The following PAFAH1B2 variants were observed in gnomAD, a reference collection of about 807,000 sequenced individuals.
PAFAH1B2 encodes platelet-activating factor acetylhydrolase IB subunit alpha2.
In PAFAH1B2, 8 loss-of-function variants were observed where a neutral mutation model predicts 28.0. That is an observed-to-expected ratio of 0.29 (90% CI 0.17 to 0.52). The LOEUF (loss-of-function observed/expected upper bound fraction) is 0.52. PAFAH1B2 is among the 20% of genes least tolerant of loss of function. The pLI is 0.97. For missense variants in PAFAH1B2, 190 were observed against 282.6 expected (o/e 0.67, Z 2.35); for synonymous variants, 104 against 103.2 (o/e 1.01, Z -0.05).
At chr11:117,173,365 G>GA (rs1488060393), downstream of PAFAH1B2, among the ~76,000 whole-genome samples, 1 of 152,224 alleles carries the variant, frequency 6.6e-6, no homozygotes, top group Non-Finnish European at 1.5e-5. Context: ...GTAGGATGGT[G>GA]AATGCAGGGA....
intron 1 of PAFAH1B2, among the ~76,000 whole-genome samples, chr11:117,149,679 GCCT>G (rs2134170153): frequency 6.6e-6 from 1 of 151,194 alleles, no homozygotes; most frequent in South Asian, 2.1e-4. Context: ...TGATCTGCCT[GCCT>G]CGGCCTCCCA....
intron 1 of PAFAH1B2, among the ~76,000 whole-genome samples, chr11:117,149,236 A>G (rs1443740024): frequency 1.1e-5 from 1 of 92,858 alleles, no homozygotes; most frequent in African/African-American, 4.5e-5. Context: ...AGGCACTACC[A>G]TGCCAGGCTA....
exon 6 of PAFAH1B2, chr11:117,176,215 T>G: frequency 2.1e-6 from 1 of 479,044 alleles, no homozygotes. Flanking sequence ...TCCAGCTGAC[T>G]TTCTAATTGG....
chr11:117,165,958 A>G (rs1436701489), intron 5 of PAFAH1B2, among the ~76,000 whole-genome samples: 2 of 151,954 alleles, frequency 1.3e-5, no homozygotes, highest in Non-Finnish European at 1.5e-5. Context: ...TTCTGCCTCA[A>G]ATCCCAAGTA....
intron 5 of PAFAH1B2, among the ~76,000 whole-genome samples, chr11:117,165,250 C>T (rs1231329067): frequency 2.0e-5 from 3 of 150,202 alleles, no homozygotes; most frequent in African/African-American, 7.4e-5. Flanking sequence ...TCACGCCTGG[C>T]TGAAGCAGAG....
At chr11:117,159,653 T>G (rs1956325758) in intron 2 of PAFAH1B2, 3 of 320,416 alleles carry the variant, frequency 9.4e-6, no homozygotes, top group Non-Finnish European at 1.7e-5. Flanking sequence ...GAAGATGACT[T>G]GAGCCCCTGA....
At chr11:117,146,524 G>C (rs1438697084) in intron 1 of PAFAH1B2, among the ~76,000 whole-genome samples, 2 of 152,126 alleles carry the variant, frequency 1.3e-5, no homozygotes, top group Admixed American at 6.6e-5. Flanking sequence ...GCAAGACCTC[G>C]TCTCTACGAA....
chr11:117,175,374 A>G (rs1447165730), downstream of PAFAH1B2: 5 of 1,070,322 alleles, frequency 4.7e-6, no homozygotes, highest in East Asian at 5.0e-5. Flanking sequence ...GGACCTATTC[A>G]TAAGTGCGGG....
intron 1 of PAFAH1B2, among the ~76,000 whole-genome samples, chr11:117,149,033 A>ATTTTTTTTTTTTTTTTTTTTTT (rs71037462): frequency 8.4e-6 from 1 of 118,626 alleles, no homozygotes. Flanking sequence ...ACACCTGCCA[A>ATTTTTTTTTTTTTTTTTTTTTT]TTTTTTTTTT....
At chr11:117,173,331 GTC>G (rs1189298725), downstream of PAFAH1B2, among the ~76,000 whole-genome samples, 1 of 152,208 alleles carries the variant, frequency 6.6e-6, no homozygotes, top group Non-Finnish European at 1.5e-5. Context: ...TATCTCGTTT[GTC>G]TCTCTTCCTG....
At chr11:117,146,136 G>GTC (rs1956001405) in intron 1 of PAFAH1B2, among the ~76,000 whole-genome samples, 9 of 137,880 alleles carry the variant, frequency 6.5e-5, no homozygotes, top group Non-Finnish European at 9.1e-5. Flanking sequence ...TTTTTTTTGT[G>GTC]TGTGTGACGG....
At chr11:117,145,975 G>T (rs111973493) in intron 1 of PAFAH1B2, among the ~76,000 whole-genome samples, 1 of 152,172 alleles carries the variant, frequency 6.6e-6, no homozygotes, top group African/African-American at 2.4e-5. Context: ...GGAAAATCGT[G>T]CAAGTCGGTT....
intron 3 of PAFAH1B2, 44 bp from the exon 4 acceptor site, chr11:117,161,101 T>C (rs760777407): frequency 2.4e-6 from 3 of 1,230,278 alleles, no homozygotes; most frequent in Non-Finnish European, 3.5e-6. Flanking sequence ...GATTAAACTT[T>C]CCCCTAGTTT....
intron 1 of PAFAH1B2, among the ~76,000 whole-genome samples, chr11:117,144,666 G>C (rs1280021325): frequency 1.3e-5 from 2 of 152,068 alleles, no homozygotes; most frequent in East Asian, 3.9e-4. Context: ...ATTCCATACC[G>C]AAAGCTGGCG....
chr11:117,151,705 A>G (rs1956155702), intron 1 of PAFAH1B2, among the ~76,000 whole-genome samples: 1 of 151,222 alleles, frequency 6.6e-6, no homozygotes, highest in African/African-American at 2.4e-5. Context: ...TAATTCTGTA[A>G]GTGTTTTTTT....
At position 117,169,171 on chromosome 11, in the gene PAFAH1B2, A is replaced by G. The variant is rs1956588821; in HGVS notation, c.*1472A>G. 2 of 1,029,152 alleles carry G rather than the reference A, an allele frequency of 1.9e-6. No homozygotes were observed. The highest frequency in any genetic ancestry group is 1.2e-6 in the Non-Finnish European group (1 of 856,368). The allele number at this position is 1,029,152 out of a possible 1,614,324, so 63.8% of individuals were successfully genotyped here. On this transcript the variant is annotated 3_prime_UTR_variant, in exon 6 of 6. Transcript: ENST00000527958. ...GAAACAAGTGAAGCTGCTCTTCAGC[A>G]TAGACACTACCTTTATCCCATCATT... is the stretch of plus-strand genomic sequence containing the variant.
chr11:117,171,061 C>G, downstream of PAFAH1B2: 1 of 1,026,010 alleles, frequency 9.7e-7, no homozygotes, highest in Non-Finnish European at 1.2e-6. Context: ...TGGTGTCTTT[C>G]TGTCTCCTTT....
chr11:117,171,964 C>G (rs1434649396), downstream of PAFAH1B2, among the ~76,000 whole-genome samples: 1 of 152,092 alleles, frequency 6.6e-6, no homozygotes, highest in Admixed American at 6.6e-5. Context: ...CCTCTCCACC[C>G]ACACTCCTGG....
Position 117,144,310 on chromosome 11 carries a change from G to C in PAFAH1B2, c.-116G>C. ...GTGGAGGAGCTGCTGCTGGTGCTGGGGCCGGAGGAGGGACGCGCCGGAGCG... is the reference window on the plus strand; with the variant it reads ...GTGGAGGAGCTGCTGCTGGTGCTGGCGCCGGAGGAGGGACGCGCCGGAGCG... On this transcript the variant is annotated 5_prime_UTR_variant, in exon 1 of 6. Coordinates refer to ENST00000527958, the MANE Select transcript of PAFAH1B2 (RefSeq NM_002572.4). The C allele has an allele frequency of 2.5e-6, 1 of 396,530 alleles. No homozygotes were observed. Among genetic ancestry groups the C allele is most frequent in the Non-Finnish European group, 5.2e-6 (1 of 193,098 alleles). 24.6% of individuals were successfully genotyped at this position (396,530 alleles called of 1,614,324 possible).
Sources: allele counts gnomAD v4.1 joint callset (sites outside exome capture counted in the v4.1 genomes callset), GRCh38; gene constraint gnomAD v4.1.1; transcripts MANE v1.5; gene names NCBI Gene and HGNC (gene_info 2026-07-23, HGNC 2026-07-21).